PRSS36: variants seen among roughly 807,000 people sequenced by gnomAD.
PRSS36 encodes polyserase-2.
In PRSS36, 90 loss-of-function variants were observed where a neutral mutation model predicts 94.3. The observed-to-expected ratio is 0.95, with a 90% CI of 0.80 to 1.14. PRSS36 has a LOEUF of 1.14. PRSS36 is among the 50% of genes most tolerant of loss of function. PRSS36 has a pLI of 0.00. For synonymous variants in PRSS36, 500 were observed against 489.6 expected (o/e 1.02, Z -0.28); for missense variants, 1,158 against 1,135.0 (o/e 1.02, Z -0.29).
At position 31,143,641 on chromosome 16, in the gene PRSS36, G is replaced by A. The variant is rs777667007; in HGVS notation, c.917C>T (p.Thr306Ile). 3.1e-6 allele frequency: 5 copies of A among 1,614,202 alleles called. No individual in the cohort carries two copies. The Admixed American group carries it at 8.3e-5, about 27-fold the overall frequency. ...CCTGGGCTCCTGGGGATCTGACTGG[G>A]TCTTCTGGGGCTGGGTGGGAAAGGC... ...GPAFPTQPQK[T>I]QSDPQEPREE... Residue 306 changes from threonine (T) to isoleucine (I), a missense_variant, in exon 7 of 15, where the codon ACC becomes ATC. Physicochemically the swap from Thr to Ile is moderately conservative, Grantham distance 89. Transcript: ENST00000268281.
Position 31,140,598 on chromosome 16 carries a change from G to T in PRSS36, c.2061C>A (p.Ser687=), listed in dbSNP as rs558945535. The T allele has an allele frequency of 1.9e-5, 30 of 1,609,096 alleles. No homozygotes were observed. In the East Asian group the frequency reaches 3.6e-4, roughly 19 times the overall value. The part of the protein sequence containing the change: ...RPPLALLELS[S]RVEPSPSALP... ...GGGCTGATGGGGAGGGCTCCACCCG[G>T]GAGCTCAGCTCCAGGAGGGCCAGGG... The change falls in exon 13 of 15, where the codon TCC becomes TCA. Residue 687 remains serine (S), a synonymous_variant. Transcript: ENST00000268281.
Position 31,143,898 on chromosome 16 carries a change from C to T in PRSS36, c.721-61G>A. The stretch of plus-strand genomic sequence containing the variant: ...CAGGGACCTACTCGAAAAGGTCCTG[C>T]ACCTCCTTTTGGCCCAACATACACC... On this transcript the variant is annotated intron_variant, in intron 6 of 14. Coordinates refer to ENST00000268281, the MANE Select transcript of PRSS36 (RefSeq NM_173502.5). The T allele has an allele frequency of 2.5e-6, 4 of 1,597,242 alleles. No homozygotes were observed. In the South Asian group the frequency reaches 4.4e-5, roughly 18 times the overall value.
chr16:31,149,066 T>A lies in PRSS36; in HGVS notation c.272+7A>T. On this transcript the variant is annotated splice_region_variant and intron_variant, in intron 4 of 14. Coordinates refer to ENST00000268281, the MANE Select transcript of PRSS36 (RefSeq NM_173502.5). Reference sequence around the variant, plus strand: ...GGAGAGGGGCCAGGACCAGGGCGAATACTCACGTCATGAAACAGTGAGCAG... The same window carrying A: ...GGAGAGGGGCCAGGACCAGGGCGAAAACTCACGTCATGAAACAGTGAGCAG... 6.3e-7 allele frequency: 1 copy of A among 1,588,700 alleles called. No homozygotes were observed. Among genetic ancestry groups the A allele is most frequent in the Non-Finnish European group, 8.6e-7 (1 of 1,169,378 alleles).
chr16:31,142,773 C>G lies in PRSS36; in HGVS notation c.1321G>C (p.Gly441Arg), dbSNP rs745365099. 3.5e-6 allele frequency: 5 copies of G among 1,431,294 alleles called. No individual in the cohort carries two copies. The highest frequency in any genetic ancestry group is 1.5e-5 in the South Asian group (1 of 67,970). 88.7% of individuals were successfully genotyped at this position (1,431,294 alleles called of 1,614,324 possible). ...LPHPEHYFLP[G>R]SRCRLARWGR... The stretch of plus-strand genomic sequence containing the variant: ...CAGCGGGCCAGGCGGCAGCGGCTCC[C>G]GGGCAGGAAGTAGTGTTCCGGGTGG... Residue 441 changes from glycine (G) to arginine (R), a missense_variant, in exon 9 of 15, where the codon GGG (glycine) becomes CGG (arginine). Physicochemically the swap from Gly to Arg is moderately radical, Grantham distance 125. Transcript: ENST00000268281.
chr16:31,149,087 A>G lies in PRSS36; in HGVS notation c.258T>C (p.Ala86=), dbSNP rs1157265784. Residue 86 remains alanine, a synonymous_variant, in exon 4 of 15, where the codon GCT becomes GCC. Coordinates refer to ENST00000268281, the MANE Select transcript of PRSS36 (RefSeq NM_173502.5). ...LIAPSWVLSA[A]HCFMTNGTLE... Reference sequence around the variant, plus strand: ...CGAATACTCACGTCATGAAACAGTGAGCAGCGGAGAGGACCCAGGAGGGGG... The same window carrying G: ...CGAATACTCACGTCATGAAACAGTGGGCAGCGGAGAGGACCCAGGAGGGGG... The G allele has an allele frequency of 6.3e-7, 1 of 1,593,922 alleles. No homozygotes were observed. Among genetic ancestry groups the G allele is most frequent in the African/African-American group, 1.3e-5 (1 of 74,800 alleles).
intron 14 of PRSS36, 29 bp downstream of exon 14, chr16:31,140,265 C>A (rs757684220): frequency 3.2e-6 from 5 of 1,583,400 alleles, no homozygotes; most frequent in Non-Finnish European, 3.4e-6. Flanking sequence ...CTCTCCCCTG[C>A]CTACTCCAGG....
chr16:31,149,705 G>T lies in PRSS36; in HGVS notation c.64C>A (p.Gln22Lys). Residue 22 changes from glutamine (Q) to lysine (K), a missense_variant, in exon 2 of 15, where the codon CAG (glutamine) becomes AAG (lysine). Transcript: ENST00000268281. Reference sequence around the variant, plus strand: ...AGTCCGGCTACCTTACCTGAGTCCTGGAAGGCTCCTGGGATGGGACTGATG... The same window carrying T: ...AGTCCGGCTACCTTACCTGAGTCCTTGAAGGCTCCTGGGATGGGACTGATG... ...LVISPIPGAF[Q>K]DSALSPTQEE... 6.2e-7 allele frequency: 1 copy of T among 1,614,162 alleles called. No homozygotes were observed. The highest frequency in any genetic ancestry group is 8.5e-7 in the Non-Finnish European group (1 of 1,180,020).
At position 31,141,901 on chromosome 16, in the gene PRSS36, G is replaced by C; in HGVS notation, c.1581C>G (p.Ile527Met). Residue 527 changes from isoleucine to methionine, a missense_variant, in exon 11 of 15, where the codon ATC becomes ATG. By Grantham distance (10) the Ile-to-Met change is conservative. Coordinates refer to ENST00000268281, the MANE Select transcript of PRSS36 (RefSeq NM_173502.5). Reference sequence around the variant, plus strand: ...GTAGACAGCCACTGGGAAAGTCTCTGATTCCAGCCAGAAACCAGGTCCCCT... The same window carrying C: ...GTAGACAGCCACTGGGAAAGTCTCTCATTCCAGCCAGAAACCAGGTCCCCT... Reference protein sequence around the residue: ...QEEGTWFLAGIRDFPSGCLRP... With the variant: ...QEEGTWFLAGMRDFPSGCLRP... The C allele has an allele frequency of 6.2e-7, 1 of 1,614,192 alleles. No individual in the cohort carries two copies. The highest frequency in any genetic ancestry group is 8.5e-7 in the Non-Finnish European group (1 of 1,180,032).
chr16:31,142,388 T>G, intron 10 of PRSS36, 93 bp downstream of exon 10: 1 of 1,318,818 alleles, frequency 7.6e-7, no homozygotes. Context: ...GCCCTCTCCC[T>G]AGAGCCCACT....
intron 5 of PRSS36, among the ~76,000 whole-genome samples, chr16:31,146,985 A>G (rs2057807305): frequency 6.6e-6 from 1 of 152,128 alleles, no homozygotes; most frequent in East Asian, 1.9e-4. Flanking sequence ...TCTGTCTCAA[A>G]AAGAAAAAAA....
rs2057839401 is a variant in PRSS36 at position 31,148,621 on chromosome 16, G to A, written c.327C>T (p.Ser109=). The A allele has an allele frequency of 1.2e-6, 2 of 1,612,188 alleles. No individual in the cohort carries two copies. The highest frequency in any genetic ancestry group is 4.5e-5 in the East Asian group (2 of 44,878). Residue 109 remains serine (S), a synonymous_variant, in exon 5 of 15, where the codon TCC becomes TCT. Coordinates refer to ENST00000268281, the MANE Select transcript of PRSS36 (RefSeq NM_173502.5). Reference sequence around the variant, plus strand: ...GCGCGCCGTCCAGGGGCCCGTCCTGGGAGTGCACGCCCAGCAGTACCGACC... The same window carrying A: ...GCGCGCCGTCCAGGGGCCCGTCCTGAGAGTGCACGCCCAGCAGTACCGACC... The part of the protein sequence containing the change: ...AEWSVLLGVH[S]QDGPLDGAHT...
rs554980725 is a variant in PRSS36, at chr16:31,145,907, A to C, written c.602T>G (p.Leu201Arg). ...GAGACATTGACAGGTGGCCTCGCCC[A>C]GCAGCCTTAGCTCCACTTCCTGTAG... ...WVLQEVELRL[L>R]GEATCQCLYS... The change falls in exon 6 of 15, where the codon CTG (leucine) becomes CGG (arginine). Residue 201 changes from leucine (L) to arginine (R), a missense_variant. Transcript: ENST00000268281. 2.5e-6 allele frequency: 4 copies of C among 1,613,978 alleles called. No individual in the cohort carries two copies. The East Asian group carries it at 8.9e-5, about 36-fold the overall frequency.
intron 5 of PRSS36, among the ~76,000 whole-genome samples, chr16:31,147,677 A>C (rs1596860672): frequency 6.6e-6 from 1 of 152,256 alleles, no homozygotes; most frequent in Non-Finnish European, 1.5e-5. Flanking sequence ...TTTTATGTTC[A>C]CTGGTGTCTC....
Position 31,142,966 on chromosome 16 carries a change from GC to G in PRSS36, c.1127del (p.Arg376ProfsTer45). ...LDPNSSDSPPRDLDAWRVLLP... is the reference protein window; with the variant it reads ...LDPNSSDSPPXDLDAWRVLLP... ...GCAGCACGCGCCAGGCGTCGAGGTCGCGGGGTGGGCTGTCGGAGCTGTTCGG... is the reference window on the plus strand; with the variant it reads ...GCAGCACGCGCCAGGCGTCGAGGTCGGGGGTGGGCTGTCGGAGCTGTTCGG... On this transcript the variant is annotated frameshift_variant, in exon 9 of 15. Coordinates refer to ENST00000268281, the MANE Select transcript of PRSS36 (RefSeq NM_173502.5). LOFTEE classifies it high-confidence loss of function. 7.0e-7 allele frequency: 1 copy of G among 1,422,958 alleles called. No individual in the cohort carries two copies. Among genetic ancestry groups the G allele is most frequent in the Non-Finnish European group, 9.1e-7 (1 of 1,093,458 alleles). 88.1% of individuals were successfully genotyped at this position (1,422,958 alleles called of 1,614,324 possible). A position where few individuals can be genotyped will look rare whatever the true frequency, so the allele number is the denominator to read the frequency against.
Position 31,142,927 on chromosome 16 carries a change from C to T in PRSS36, c.1167G>A (p.Pro389=), listed in dbSNP as rs1441706305. The T allele has an allele frequency of 1.3e-5, 19 of 1,519,782 alleles. No homozygotes were observed. Among genetic ancestry groups the T allele is most frequent in the Non-Finnish European group, 1.7e-5 (19 of 1,140,414 alleles). The allele number at this position is 1,519,782 out of a possible 1,614,324, so 94.1% of individuals were successfully genotyped here. ...CCAGGCGCGCCACCCGCTCCGCGCG[C>T]GGGCGCGAGGGCAGCAGCACGCGCC... ...DAWRVLLPSR[P]RAERVARLVQ... Residue 389 remains proline (P), a synonymous_variant, in exon 9 of 15, where the codon CCG becomes CCA. Coordinates refer to ENST00000268281, the MANE Select transcript of PRSS36 (RefSeq NM_173502.5).
Position 31,148,684 on chromosome 16 carries a change from G to C in PRSS36, c.273-9C>G, listed in dbSNP as rs1275266404. 4.3e-6 allele frequency: 7 copies of C among 1,611,918 alleles called. No homozygotes were observed. The highest frequency in any genetic ancestry group is 5.9e-6 in the Non-Finnish European group (7 of 1,179,516). ...GCTCCAGCGTCCCATTCCTGCGCTC[G>C]ACCGGGGCAGTAGGAGGTTAGGTTG... On this transcript the variant is annotated splice_polypyrimidine_tract_variant and intron_variant, in intron 4 of 14. Transcript: ENST00000268281.
At chr16:31,142,457 G>C in intron 10 of PRSS36, 24 bp downstream of exon 10, 1 of 1,420,592 alleles carries the variant, frequency 7.0e-7, no homozygotes, top group Non-Finnish European at 9.2e-7. Context: ...CCCGCGTTCC[G>C]CGGGCCCCGC....
In PRSS36 at chr16:31,140,504, G is replaced by T. The variant is rs771743366; in HGVS notation, c.2155C>A (p.Pro719Thr). The T allele has an allele frequency of 6.3e-7, 1 of 1,580,604 alleles. No homozygotes were observed. The highest frequency in any genetic ancestry group is 1.2e-5 in the South Asian group (1 of 84,568). The change falls in exon 13 of 15, where the codon CCC (proline) becomes ACC (threonine). Residue 719 changes from proline to threonine, a missense_variant. By Grantham distance (38) the Pro-to-Thr change is conservative. Transcript: ENST00000268281. ...CCAGGGGTCTCACCTCGGTCCTGGG[G>T]TTCTTTCCAGCCCAACACCCAGCAG... ...ASCWVLGWKE[P>T]QDRVPVAAAV...
chr16:31,140,269 C>T (rs1239566836), intron 14 of PRSS36, 25 bp downstream of exon 14: 2 of 1,589,134 alleles, frequency 1.3e-6, no homozygotes, highest in East Asian at 2.2e-5. Flanking sequence ...CCCCTGCCTA[C>T]TCCAGGACGC....
Sources: allele counts gnomAD v4.1 joint callset (sites outside exome capture counted in the v4.1 genomes callset), GRCh38; gene constraint gnomAD v4.1.1; transcripts MANE v1.5; gene names NCBI Gene and HGNC (gene_info 2026-07-23, HGNC 2026-07-21).